CSMD1: variants seen among roughly 807,000 people sequenced by gnomAD.
CSMD1 encodes the protein CUB and Sushi multiple domains 1, also known as CUB and sushi domain-containing protein 1.
CSMD1 carries 213 observed loss-of-function variants against 417.5 expected under a neutral mutation model. That is an observed-to-expected ratio of 0.51 (90% CI 0.46 to 0.57). The LOEUF is 0.57. Ranked by LOEUF, CSMD1 falls within the 20% of genes least tolerant of loss-of-function variation. CSMD1 has a pLI of 0.00. For synonymous variants in CSMD1, 2,862 were observed against 1,736.8 expected, an observed-to-expected ratio of 1.65 and a Z score of -16.11; for missense variants, 6,923 against 4,529.7, an observed-to-expected ratio of 1.53 and a Z score of -15.17.
At chr8:4,191,914 G>A (rs554865673) in intron 3 of CSMD1, among the ~76,000 whole-genome samples, 1 of 152,172 alleles carries the variant, frequency 6.6e-6, no homozygotes, top group African/African-American at 2.4e-5. Context: ...AAGAAAGTGA[G>A]CATTAGCACA....
At chr8:4,365,526 C>T (rs994885918) in intron 3 of CSMD1, among the ~76,000 whole-genome samples, 1 of 152,156 alleles carries the variant, frequency 6.6e-6, no homozygotes, top group Non-Finnish European at 1.5e-5. Flanking sequence ...TGATTAAATT[C>T]CCTGTGATAT....
chr8:4,413,903 A>T (rs774677261), intron 3 of CSMD1, among the ~76,000 whole-genome samples: 9 of 152,232 alleles, frequency 5.9e-5, no homozygotes, highest in Non-Finnish European at 1.2e-4. Context: ...TAAGTTACCT[A>T]ATTAGCCCAG....
intron 3 of CSMD1, among the ~76,000 whole-genome samples, chr8:4,310,910 A>G (rs1435475413): frequency 6.6e-6 from 1 of 152,216 alleles, no homozygotes; most frequent in Non-Finnish European, 1.5e-5. Context: ...AAAGCTCAGT[A>G]TCACTAATCA....
chr8:4,770,396 A>G (rs1049723697), intron 1 of CSMD1, among the ~76,000 whole-genome samples: 2 of 149,324 alleles, frequency 1.3e-5, no homozygotes, highest in Non-Finnish European at 3.0e-5. Flanking sequence ...AAGCTTTTAT[A>G]TATTATATAT....
At chr8:4,479,159 A>G (rs922811364) in intron 2 of CSMD1, among the ~76,000 whole-genome samples, 3 of 152,230 alleles carry the variant, frequency 2.0e-5, no homozygotes, top group East Asian at 1.9e-4. Context: ...TTATAAATAA[A>G]TACATAAATA....
At chr8:4,766,229 A>G (rs1462581705) in intron 1 of CSMD1, among the ~76,000 whole-genome samples, 1 of 152,202 alleles carries the variant, frequency 6.6e-6, no homozygotes, top group Non-Finnish European at 1.5e-5. Flanking sequence ...TGCGTTGGCA[A>G]CAAGTGGAAT....
intron 5 of CSMD1, among the ~76,000 whole-genome samples, chr8:3,785,369 T>A (rs540214335): frequency 5.9e-5 from 9 of 152,254 alleles, no homozygotes; most frequent in African/African-American, 2.2e-4. Flanking sequence ...CATTTCTTTT[T>A]TCATTCCACA....
intron 6 of CSMD1, among the ~76,000 whole-genome samples, chr8:3,752,342 T>G (rs958127850): frequency 2.0e-5 from 3 of 152,086 alleles, no homozygotes; most frequent in African/African-American, 7.2e-5. Flanking sequence ...AGATGGACAA[T>G]GTTCCTGATG....
rs538001449 is a variant in CSMD1, at chr8:3,553,637, T to C, written c.1344+21308A>G. 3.3e-5 allele frequency among the ~76,000 whole-genome samples: 5 copies of C among 152,238 alleles called. No individual in the cohort carries two copies. The East Asian group carries it at 9.6e-4, about 29-fold the overall frequency. ...CCCAGCATTGCTAATGACAGTAAAA[T>C]CTTGAAAACAACTTGACTCTTTGTT... is the stretch of plus-strand genomic sequence containing the variant. On this transcript the variant is annotated intron_variant, in intron 10 of 69. Coordinates refer to ENST00000635120, the MANE Select transcript of CSMD1 (RefSeq NM_033225.6).
At chr8:3,231,174 G>C (rs1218465741) in intron 26 of CSMD1, among the ~76,000 whole-genome samples, 3 of 152,132 alleles carry the variant, frequency 2.0e-5, no homozygotes, top group Non-Finnish European at 4.4e-5. Flanking sequence ...TAACTGCTGT[G>C]TATTATGTGT....
chr8:3,804,744 G>A (rs1278313438), intron 5 of CSMD1, among the ~76,000 whole-genome samples: 1 of 152,218 alleles, frequency 6.6e-6, no homozygotes, highest in Non-Finnish European at 1.5e-5. Flanking sequence ...AACTGATCAT[G>A]AAATTAGCCT....
At chr8:3,377,150 A>C (rs1490161991) in intron 18 of CSMD1, among the ~76,000 whole-genome samples, 1 of 152,162 alleles carries the variant, frequency 6.6e-6, no homozygotes, top group Non-Finnish European at 1.5e-5. Context: ...CTGGGACTAT[A>C]GGCACATGCC....
At chr8:4,372,474 G>A (rs1042363466) in intron 3 of CSMD1, among the ~76,000 whole-genome samples, 1 of 150,178 alleles carries the variant, frequency 6.7e-6, no homozygotes, top group South Asian at 2.1e-4. Flanking sequence ...ATAGTTAAGT[G>A]TCACTTAAAA....
intron 5 of CSMD1, among the ~76,000 whole-genome samples, chr8:3,788,846 T>C (rs937495706): frequency 1.3e-5 from 2 of 152,196 alleles, no homozygotes; most frequent in African/African-American, 4.8e-5. Flanking sequence ...ACTAACATTC[T>C]GGGGTAGAAA....
chr8:3,366,418 C>T (rs528039711), intron 20 of CSMD1, among the ~76,000 whole-genome samples: 1 of 152,264 alleles, frequency 6.6e-6, no homozygotes, highest in East Asian at 1.9e-4. Context: ...TAGAACTATA[C>T]AAATTAAACA....
At chr8:3,602,956 G>A (rs1584947572) in intron 8 of CSMD1, among the ~76,000 whole-genome samples, 1 of 152,016 alleles carries the variant, frequency 6.6e-6, no homozygotes, top group Admixed American at 6.6e-5. Flanking sequence ...TTATTTTGAT[G>A]AAAAAATTAC....
intron 26 of CSMD1, among the ~76,000 whole-genome samples, chr8:3,258,993 C>G (rs1800861717): frequency 6.6e-6 from 1 of 152,138 alleles, no homozygotes; most frequent in African/African-American, 2.4e-5. Flanking sequence ...CTAATGGGTA[C>G]TAGGCTTAAT....
At chr8:4,351,148 A>G (rs1801069020) in intron 3 of CSMD1, among the ~76,000 whole-genome samples, 1 of 151,580 alleles carries the variant, frequency 6.6e-6, no homozygotes, top group African/African-American at 2.4e-5. Flanking sequence ...GCAAGGTCCC[A>G]TCTCTAAAAA....
intron 30 of CSMD1, 22 bp downstream of exon 30, chr8:3,214,475 A>G (rs749467994): frequency 6.6e-7 from 1 of 1,507,168 alleles, no homozygotes; most frequent in Non-Finnish European, 8.9e-7. Context: ...TATTTCTAGA[A>G]AATACCCAAG....
Sources: gnomAD v4.1 joint callset for allele counts (sites outside exome capture counted in the v4.1 genomes callset) on GRCh38, gnomAD v4.1.1 for gene constraint, MANE v1.5 for transcripts, NCBI Gene and HGNC (gene_info 2026-07-23, HGNC 2026-07-21) for gene names.